NLGN1: variants seen among roughly 807,000 people sequenced by gnomAD.
NLGN1 encodes neuroligin 1, also known as neuroligin-1.
In NLGN1, 12 loss-of-function variants were observed where a neutral mutation model predicts 65.5. The ratio of observed to expected loss-of-function variants is 0.18; its 90% CI spans 0.12 to 0.30. The LOEUF (loss-of-function observed/expected upper bound fraction) is 0.30, where lower values mean the gene tolerates loss of function less well. NLGN1 is among the 10% of genes least tolerant of loss of function. The probability of loss-of-function intolerance (pLI) is 1.00; values close to 1 mark genes in which losing one functional copy is unlikely to be tolerated. For missense variants in NLGN1, 750 were observed against 1,007.1 expected (o/e 0.74, Z 3.46); for synonymous variants, 350 against 359.5 (o/e 0.97, Z 0.30).
chr3:174,036,581 G>T (rs28638448), intron 4 of NLGN1, among the ~76,000 whole-genome samples: 5,184 of 58,860 alleles, frequency 0.088, 287 homozygotes, highest in African/African-American at 0.22. Flanking sequence ...TAGGTTTTTT[G>T]TTGTTTTTTT....
At chr3:173,950,104 G>T (rs1747919299) in intron 4 of NLGN1, among the ~76,000 whole-genome samples, 1 of 152,014 alleles carries the variant, frequency 6.6e-6, no homozygotes, top group Non-Finnish European at 1.5e-5. Flanking sequence ...TAAAATTATT[G>T]TTTTTCTTTA....
Position 173,609,071 on chromosome 3 carries a change from G to A in NLGN1, c.493+3980G>A, listed in dbSNP as rs550541883. ...TTTAGGTTGCTCTCCTGTGAGAGTCGCTAACAAACAAGAAAGTGGTCAAAT... is the reference window on the plus strand; with the variant it reads ...TTTAGGTTGCTCTCCTGTGAGAGTCACTAACAAACAAGAAAGTGGTCAAAT... On this transcript the variant is annotated intron_variant, in intron 3 of 6. Transcript: ENST00000457714. Among the ~76,000 whole-genome samples, 185 of 151,814 alleles carry A rather than the reference G, an allele frequency of 1.2e-3. 1 individual carries two copies. The highest frequency in any genetic ancestry group is 2.2e-3 in the Non-Finnish European group (149 of 67,882).
chr3:174,291,076 AG>A (rs1181916643), downstream of NLGN1, among the ~76,000 whole-genome samples: 1 of 150,664 alleles, frequency 6.6e-6, no homozygotes, highest in East Asian at 1.9e-4. Context: ...TGCAGACCAA[AG>A]AATGCTTTAA....
chr3:173,930,279 AT>A (rs1440230771), intron 4 of NLGN1, among the ~76,000 whole-genome samples: 1 of 152,156 alleles, frequency 6.6e-6, no homozygotes, highest in Non-Finnish European at 1.5e-5. Context: ...GTTATTTATT[AT>A]TTTTTAGCAC....
the NLGN1 span, among the ~76,000 whole-genome samples, chr3:174,291,732 G>A: frequency 6.6e-6 from 1 of 151,002 alleles, no homozygotes; most frequent in Non-Finnish European, 1.5e-5. Context: ...TACCATGAAC[G>A]CCTCCTGAGA....
chr3:174,071,970 T>C (rs1417378087), intron 4 of NLGN1, among the ~76,000 whole-genome samples: 1 of 152,080 alleles, frequency 6.6e-6, no homozygotes, highest in Admixed American at 6.6e-5. Context: ...AGAATGTCTT[T>C]AAAAAAGATT....
At chr3:174,257,549 ACATAT>A (rs1280701024) in intron 4 of NLGN1, among the ~76,000 whole-genome samples, 3 of 152,158 alleles carry the variant, frequency 2.0e-5, no homozygotes, top group Admixed American at 2.0e-4. Flanking sequence ...AAATGGGGGT[ACATAT>A]AGGCCATGGA....
At chr3:173,892,359 T>C (rs1411238561) in intron 4 of NLGN1, among the ~76,000 whole-genome samples, 1 of 152,006 alleles carries the variant, frequency 6.6e-6, no homozygotes, top group African/African-American at 2.4e-5. Context: ...TGTTGTGACC[T>C]TCGTAAATGT....
chr3:173,765,913 A>G (rs1040161296), intron 3 of NLGN1, among the ~76,000 whole-genome samples: 3 of 152,008 alleles, frequency 2.0e-5, no homozygotes, highest in African/African-American at 7.3e-5. Context: ...ATTCCCTACC[A>G]TCTCCTCTAT....
intron 3 of NLGN1, among the ~76,000 whole-genome samples, chr3:173,748,432 A>G (rs1363729090): frequency 6.6e-6 from 1 of 152,084 alleles, no homozygotes; most frequent in Non-Finnish European, 1.5e-5. Context: ...AAAATGTTGT[A>G]ATGGGAAAGG....
intron 4 of NLGN1, among the ~76,000 whole-genome samples, chr3:173,920,225 A>T (rs1265717931): frequency 6.6e-6 from 1 of 152,100 alleles, no homozygotes; most frequent in African/African-American, 2.4e-5. Flanking sequence ...CTACTACTAG[A>T]CTAGATTACT....
chr3:173,912,392 C>T (rs1199065180), intron 4 of NLGN1, among the ~76,000 whole-genome samples: 1 of 152,126 alleles, frequency 6.6e-6, no homozygotes, highest in African/African-American at 2.4e-5. Flanking sequence ...TTCTGCCACT[C>T]GCTCACTGAC....
At chr3:173,476,549 T>C (rs1233304895) in intron 2 of NLGN1, among the ~76,000 whole-genome samples, 1 of 152,100 alleles carries the variant, frequency 6.6e-6, no homozygotes, top group Non-Finnish European at 1.5e-5. Flanking sequence ...TAGAAGAATA[T>C]AGAGCGTTTG....
intron 3 of NLGN1, among the ~76,000 whole-genome samples, chr3:173,627,068 C>T (rs571280693): frequency 1.3e-5 from 2 of 151,962 alleles, no homozygotes; most frequent in Non-Finnish European, 2.9e-5. Context: ...TATAATTTTT[C>T]TTTCCCTTTG....
chr3:173,828,361 A>G (rs1037347671), intron 4 of NLGN1, among the ~76,000 whole-genome samples: 1 of 152,070 alleles, frequency 6.6e-6, no homozygotes, highest in Non-Finnish European at 1.5e-5. Context: ...ACTGGGAAGT[A>G]TATATCCAGG....
intron 2 of NLGN1, among the ~76,000 whole-genome samples, chr3:173,475,420 T>C (rs937286296): frequency 7.9e-5 from 12 of 152,200 alleles, no homozygotes; most frequent in African/African-American, 2.4e-5. Flanking sequence ...ATTACTGAGC[T>C]CTCTAACATG....
intron 4 of NLGN1, among the ~76,000 whole-genome samples, chr3:174,106,241 T>C (rs1398848741): frequency 6.6e-6 from 1 of 152,164 alleles, no homozygotes; most frequent in Non-Finnish European, 1.5e-5. Context: ...GCCTCTTTAA[T>C]ATATGCTGTT....
chr3:173,434,085 C>T (rs1267993248), intron 1 of NLGN1, among the ~76,000 whole-genome samples: 2 of 152,034 alleles, frequency 1.3e-5, no homozygotes, highest in African/African-American at 2.4e-5. Context: ...ATTCTAGAAT[C>T]GACTTTAATC....
chr3:173,816,424 C>CCT (rs1252584756), intron 4 of NLGN1, among the ~76,000 whole-genome samples: 1 of 152,194 alleles, frequency 6.6e-6, no homozygotes, highest in Admixed American at 6.5e-5. Context: ...AGGATTCTAA[C>CCT]CTCTCTTAAA....
Sources: gnomAD v4.1 joint callset for allele counts (sites outside exome capture counted in the v4.1 genomes callset) on GRCh38, gnomAD v4.1.1 for gene constraint, MANE v1.5 for transcripts, NCBI Gene and HGNC (gene_info 2026-07-23, HGNC 2026-07-21) for gene names.